The following TLCD3A variants were observed in gnomAD, a reference collection of about 807,000 sequenced individuals.
TLCD3A encodes TLC domain-containing protein 3A.
In TLCD3A, 17 loss-of-function variants were observed where a neutral mutation model predicts 29.9. That is an observed-to-expected ratio of 0.57 (90% CI 0.39 to 0.85). The LOEUF is 0.85. Among genes scored for constraint, TLCD3A ranks in the 40% least tolerant of loss-of-function variants. TLCD3A has a pLI of 0.00. For synonymous variants in TLCD3A, 143 were observed against 147.7 expected, an observed-to-expected ratio of 0.97 and a Z score of 0.23; for missense variants, 332 against 350.8, an observed-to-expected ratio of 0.95 and a Z score of 0.43.
Position 733,129 on chromosome 17 carries a change from A to G in TLCD3A, c.154A>G (p.Thr52Ala), listed in dbSNP as rs563334846. 7 of 1,592,262 alleles carry G rather than the reference A, an allele frequency of 4.4e-6. No individual in the cohort carries two copies. The Middle Eastern group carries it at 5.0e-4, about 113-fold the overall frequency. The change falls in exon 2 of 5, where the codon ACC becomes GCC. Residue 52 changes from threonine to alanine, a missense_variant. By Grantham distance (58) the Thr-to-Ala change is moderately conservative (BLOSUM62 0). Coordinates refer to ENST00000308278, the MANE Select transcript of TLCD3A (RefSeq NM_024792.3). ...TTCCTCGGTGCACGCCGTGCTGGCCACCGGCTCGGGGATCGTCATCATTCG... is the reference window on the plus strand; with the variant it reads ...TTCCTCGGTGCACGCCGTGCTGGCCGCCGGCTCGGGGATCGTCATCATTCG... ...LVSSVHAVLA[T>A]GSGIVIIRSC...
At position 732,660 on chromosome 17, in the gene TLCD3A, C is replaced by G; in HGVS notation, c.13C>G (p.Leu5Val). MLLT[L>V]AGGALFFPGL... is the part of the protein sequence containing the mutation. ...ACCCGCAGCCCCGATGCTGCTGACG[C>G]TGGCCGGGGGCGCGCTCTTCTTCCC... Residue 5 changes from leucine (L) to valine (V), a missense_variant, in exon 1 of 5, where the codon CTG (leucine) becomes GTG (valine). Physicochemically the swap from Leu to Val is conservative, Grantham distance 32. Coordinates refer to ENST00000308278, the MANE Select transcript of TLCD3A (RefSeq NM_024792.3). The G allele has an allele frequency of 3.6e-6, 5 of 1,377,354 alleles. No homozygotes were observed. The highest frequency in any genetic ancestry group is 4.7e-6 in the Non-Finnish European group (5 of 1,061,038). 85.3% of individuals were successfully genotyped at this position (1,377,354 alleles called of 1,614,324 possible).
intron 1 of TLCD3A, 24 bp from the exon 2 acceptor site, chr17:733,073 GC>G: frequency 6.6e-7 from 1 of 1,514,744 alleles, no homozygotes; most frequent in Non-Finnish European, 8.9e-7. Context: ...CTGAGCGCGC[GC>G]GCTGTTCTCT....
At chr17:739,985 G>A (rs956550754) in intron 3 of TLCD3A, among the ~76,000 whole-genome samples, 3 of 152,166 alleles carry the variant, frequency 2.0e-5, no homozygotes, top group African/African-American at 7.2e-5. Flanking sequence ...GGCAGAGGTT[G>A]CAGTGAGCTG....
Position 741,506 on chromosome 17 carries a change from T to G in TLCD3A, c.710T>G (p.Phe237Cys). The G allele has an allele frequency of 6.2e-7, 1 of 1,614,184 alleles. No homozygotes were observed. Among genetic ancestry groups the G allele is most frequent in the South Asian group, 1.1e-5 (1 of 91,084 alleles). Residue 237 changes from phenylalanine to cysteine, a missense_variant, in exon 5 of 5, where the codon TTC becomes TGC. By Grantham distance (205) the Phe-to-Cys change is radical. Transcript: ENST00000308278. ...CTCGTAGCTCCTCAGATCTACTGGT[T>G]CTGTCTGCTGTGCAGGAAGGCAGTC... is the stretch of plus-strand genomic sequence containing the variant. ...AFLVAPQIYW[F>C]CLLCRKAVRL... is the part of the protein sequence containing the mutation.
chr17:732,771 T>C lies in TLCD3A; in HGVS notation c.122+2T>C. ...CGACTGCGTGATGATCAGCACCAGG[T>C]ACCGGCGCCGCCGAGACGCCCCCCG... On this transcript the variant is annotated splice_donor_variant, in intron 1 of 4. Transcript: ENST00000308278. LOFTEE classifies it high-confidence loss of function. The C allele has an allele frequency of 6.9e-7, 1 of 1,448,680 alleles. No homozygotes were observed. Among genetic ancestry groups the C allele is most frequent in the Non-Finnish European group, 9.1e-7 (1 of 1,102,488 alleles). The allele number at this position is 1,448,680 out of a possible 1,614,324, so 89.7% of individuals were successfully genotyped here. A position where few individuals can be genotyped will look rare whatever the true frequency, so the allele number is the denominator to read the frequency against.
chr17:740,491 T>C lies in TLCD3A; in HGVS notation c.409-14T>C. On this transcript the variant is annotated splice_polypyrimidine_tract_variant and intron_variant, in intron 3 of 4. Transcript: ENST00000308278. ...ACCTCCACTTACTTCCCCTTTTCGTTTCGTCATCCGCAGAGGCTCCGGGGA... is the reference window on the plus strand; with the variant it reads ...ACCTCCACTTACTTCCCCTTTTCGTCTCGTCATCCGCAGAGGCTCCGGGGA... The C allele has an allele frequency of 6.2e-7, 1 of 1,609,196 alleles. No individual in the cohort carries two copies. Among genetic ancestry groups the C allele is most frequent in the Non-Finnish European group, 8.5e-7 (1 of 1,175,488 alleles).
chr17:733,597 C>G (rs962531307), intron 2 of TLCD3A, among the ~76,000 whole-genome samples: 2 of 152,202 alleles, frequency 1.3e-5, no homozygotes, highest in African/African-American at 2.4e-5. Context: ...ACGCAAACGC[C>G]GCTCTTGCTT....
intron 1 of TLCD3A, 44 bp downstream of exon 1, chr17:732,813 C>CCACCG (rs1322149944): frequency 2.9e-6 from 4 of 1,402,578 alleles, no homozygotes; most frequent in East Asian, 6.2e-5. Flanking sequence ...GGGGCGCTGC[C>CCACCG]CACCGCACCC....
At chr17:738,153 T>A (rs1173967820) in intron 3 of TLCD3A, 106 bp downstream of exon 3, 2 of 853,972 alleles carry the variant, frequency 2.3e-6, no homozygotes, top group African/African-American at 1.9e-5. Context: ...TGGAGTGCAG[T>A]GGTGTGATCT....
Position 741,703 on chromosome 17 carries a change from A to G in TLCD3A, c.*133A>G, listed in dbSNP as rs969977715. 9.4e-7 allele frequency: 1 copy of G among 1,059,548 alleles called. No homozygotes were observed. Among genetic ancestry groups the G allele is most frequent in the Admixed American group, 2.8e-5 (1 of 36,150 alleles). 65.6% of individuals were successfully genotyped at this position (1,059,548 alleles called of 1,614,324 possible). A position where few individuals can be genotyped will look rare whatever the true frequency, so the allele number is the denominator to read the frequency against. On this transcript the variant is annotated 3_prime_UTR_variant, in exon 5 of 5. Coordinates refer to ENST00000308278, the MANE Select transcript of TLCD3A (RefSeq NM_024792.3). ...CGATGGATTTGAGTTTTTCTAAAGA[A>G]TATTCATATTACCTCCTTCTTCTAA...
At chr17:735,817 AAAAAG>A (rs1567769636) in intron 2 of TLCD3A, among the ~76,000 whole-genome samples, 2 of 151,894 alleles carry the variant, frequency 1.3e-5, no homozygotes, top group African/African-American at 2.4e-5. Context: ...AAAGAAAAAA[AAAAAG>A]AAAATAGCCG....
chr17:738,858 C>T (rs1289915068), intron 3 of TLCD3A, among the ~76,000 whole-genome samples: 2 of 152,224 alleles, frequency 1.3e-5, no homozygotes, highest in African/African-American at 4.8e-5. Context: ...CGAGCCACTG[C>T]ACCCGGCCCC....
chr17:733,159 T>A lies in TLCD3A; in HGVS notation c.184T>A (p.Cys62Ser), dbSNP rs927651306. The A allele has an allele frequency of 1.8e-5, 28 of 1,570,484 alleles. No individual in the cohort carries two copies. The highest frequency in any genetic ancestry group is 2.4e-5 in the Non-Finnish European group (28 of 1,160,502). ...CTCGGGGATCGTCATCATTCGCTCC[T>A]GCGACGACGTGATCACCGGCAGGTA... The part of the protein sequence containing the change: ...TGSGIVIIRS[C>S]DDVITGRHWL... Residue 62 changes from cysteine (C) to serine (S), a missense_variant, in exon 2 of 5, where the codon TGC becomes AGC. By Grantham distance (112) the Cys-to-Ser change is moderately radical. Coordinates refer to ENST00000308278, the MANE Select transcript of TLCD3A (RefSeq NM_024792.3).
Position 733,100 on chromosome 17 carries a change from TG to T in TLCD3A, c.127del (p.Val43PhefsTer23). On this transcript the variant is annotated frameshift_variant, in exon 2 of 5. Coordinates refer to ENST00000308278, the MANE Select transcript of TLCD3A (RefSeq NM_024792.3). LOFTEE classifies it high-confidence loss of function. Reference protein sequence around the residue: ...RTDCVMISTRLVSSVHAVLAT... With the variant: ...RTDCVMISTRXVSSVHAVLAT... Reference sequence around the variant, plus strand: ...GCTGTTCTCTCCGCCCGCGCTAGGCTGGTTTCCTCGGTGCACGCCGTGCTGG... The same window carrying T: ...GCTGTTCTCTCCGCCCGCGCTAGGCTGTTTCCTCGGTGCACGCCGTGCTGG... 6.3e-7 allele frequency: 1 copy of T among 1,587,306 alleles called. No homozygotes were observed. Among genetic ancestry groups the T allele is most frequent in the Non-Finnish European group, 8.6e-7 (1 of 1,167,794 alleles).
chr17:732,814 C>T, intron 1 of TLCD3A, 45 bp downstream of exon 1: 1 of 1,403,030 alleles, frequency 7.1e-7, no homozygotes, highest in Non-Finnish European at 9.2e-7. Context: ...GGGCGCTGCC[C>T]ACCGCACCCC....
intron 2 of TLCD3A, 144 bp from the exon 3 acceptor site, chr17:737,702 C>A: frequency 1.2e-6 from 1 of 815,086 alleles, no homozygotes; most frequent in Non-Finnish European, 2.0e-6. Flanking sequence ...AGCAAGTGGT[C>A]TACTCTCCCT....
chr17:737,795 A>AT, intron 2 of TLCD3A, 51 bp from the exon 3 acceptor site: 1 of 1,548,244 alleles, frequency 6.5e-7, no homozygotes, highest in Non-Finnish European at 8.9e-7. Context: ...GTGAGCCTTC[A>AT]TAATGGATAT....
chr17:738,421 T>G (rs1974198426), intron 3 of TLCD3A, among the ~76,000 whole-genome samples: 1 of 150,986 alleles, frequency 6.6e-6, no homozygotes, highest in Non-Finnish European at 1.5e-5. Context: ...GACCGTTACT[T>G]AGGAGTCGGG....
At chr17:740,064 T>G (rs780163229) in intron 3 of TLCD3A, among the ~76,000 whole-genome samples, 1 of 152,024 alleles carries the variant, frequency 6.6e-6, no homozygotes, top group Non-Finnish European at 1.5e-5. Context: ...AAAAATAAAA[T>G]AAATAAATAA....
Sources: allele counts gnomAD v4.1 joint callset (sites outside exome capture counted in the v4.1 genomes callset), GRCh38; gene constraint gnomAD v4.1.1; transcripts MANE v1.5; gene names NCBI Gene and HGNC (gene_info 2026-07-23, HGNC 2026-07-21).